Variants in MYH11 observed in about 807,000 individuals in gnomAD.
MYH11 encodes the protein myosin-11.
In MYH11, 80 loss-of-function variants were observed where a neutral mutation model predicts 246.6. That is an observed-to-expected ratio of 0.32 (90% confidence interval 0.27 to 0.39). The LOEUF (loss-of-function observed/expected upper bound fraction) is 0.39, where lower values mean the gene tolerates loss of function less well. MYH11 is among the 10% of genes least tolerant of loss of function. The pLI is 1.00. For synonymous variants in MYH11, 1,071 were observed against 1,015.5 expected (o/e 1.05, Z -1.04); for missense variants, 2,158 against 2,546.8 (o/e 0.85, Z 3.29).
At chr16:15,716,852 G>A (rs2040177351) in intron 38 of MYH11, among the ~76,000 whole-genome samples, 1 of 152,198 alleles carries the variant, frequency 6.6e-6, no homozygotes. Flanking sequence ...TATCCCTGCA[G>A]AGGCTGGGAA....
Position 15,726,053 on chromosome 16 carries a change from G to A in MYH11, c.3858+795C>T, listed in dbSNP as rs968210928. 6 of 208,150 alleles carry A rather than the reference G, an allele frequency of 2.9e-5. No individual in the cohort carries two copies. In the Admixed American group the frequency reaches 3.6e-4, roughly 12 times the overall value. 12.9% of individuals were successfully genotyped at this position (208,150 alleles called of 1,614,324 possible). On this transcript the variant is annotated intron_variant, in intron 28 of 40. Coordinates refer to ENST00000300036, the MANE Select transcript of MYH11 (RefSeq NM_002474.3). ...TTACCACAGGGCCTTTGCACACGCT[G>A]TTCCCTCTGCCTGGTAGACTTATCC...
rs564794568 is a variant in MYH11 at position 15,852,327 on chromosome 16, G to A, written c.-18+4614C>T. ...ATGTGACTGCAACAAGTTGCAATTT[G>A]CAATGCCTTTTTTTTTTTTTTTTTG... On this transcript the variant is annotated intron_variant, in intron 1 of 40. Coordinates refer to ENST00000300036, the MANE Select transcript of MYH11 (RefSeq NM_002474.3). Among the ~76,000 whole-genome samples, 280 of 134,988 alleles carry A rather than the reference G, an allele frequency of 2.1e-3. 3 individuals are homozygous for A. Among genetic ancestry groups the A allele is most frequent in the African/African-American group, 7.3e-3 (265 of 36,298 alleles). 88.6% of individuals were successfully genotyped at this position (134,988 alleles called of 152,430 possible). A position where few individuals can be genotyped will look rare whatever the true frequency, so the allele number is the denominator to read the frequency against.
chr16:15,718,602 TG>T, intron 36 of MYH11, 164 bp from the exon 37 acceptor site: 1 of 1,122,722 alleles, frequency 8.9e-7, no homozygotes, highest in Non-Finnish European at 1.2e-6. Flanking sequence ...AGCCAGGAAG[TG>T]GACAGCCGGG....
At chr16:15,788,077 CTTTTTT>C (rs1555569336) in intron 4 of MYH11, among the ~76,000 whole-genome samples, 1 of 55,376 alleles carries the variant, frequency 1.8e-5, no homozygotes, top group Non-Finnish European at 3.7e-5. Flanking sequence ...GAAGGTAGAT[CTTTTTT>C]TTTTTTTTTT....
In MYH11 at chr16:15,763,925, A is replaced by G. The variant is rs79343486; in HGVS notation, c.1034-34T>C. ...GGGAGAGAAGGGCAGAGCAGACACA[A>G]AGGTCAATGCCAAGGTACCCTGGAG... On this transcript the variant is annotated intron_variant, in intron 9 of 40. Coordinates refer to ENST00000300036, the MANE Select transcript of MYH11 (RefSeq NM_002474.3). 4,330 of 1,553,888 alleles carry G rather than the reference A, an allele frequency of 2.8e-3. 115 individuals are homozygous for G. In the African/African-American group the frequency reaches 0.053, roughly 19 times the overall value.
At chr16:15,820,044 CA>C (rs201477909) in intron 3 of MYH11, among the ~76,000 whole-genome samples, 230 of 151,574 alleles carry the variant, frequency 1.5e-3, no homozygotes, top group African/African-American at 5.4e-3. Flanking sequence ...TTGGAAAGGC[CA>C]AAAAAAAGAT....
At chr16:15,787,382 T>C (rs1305663012) in intron 4 of MYH11, among the ~76,000 whole-genome samples, 1 of 151,766 alleles carries the variant, frequency 6.6e-6, no homozygotes, top group Non-Finnish European at 1.5e-5. Flanking sequence ...CACTCCAGCC[T>C]GGGTGACAGA....
At chr16:15,829,832 G>A (rs914971941) in intron 2 of MYH11, among the ~76,000 whole-genome samples, 2 of 152,136 alleles carry the variant, frequency 1.3e-5, no homozygotes, top group Non-Finnish European at 2.9e-5. Context: ...AAGGAACACT[G>A]GCTTTCAGAC....
At chr16:15,774,831 C>T (rs908531232) in intron 8 of MYH11, among the ~76,000 whole-genome samples, 2 of 152,108 alleles carry the variant, frequency 1.3e-5, no homozygotes, top group Non-Finnish European at 2.9e-5. Flanking sequence ...TCAGGTAATC[C>T]GCCCGCCTCT....
chr16:15,721,416 A>G lies in MYH11; in HGVS notation c.4578+6T>C, dbSNP rs780638340. 6.2e-7 allele frequency: 1 copy of G among 1,614,020 alleles called. No individual in the cohort carries two copies. Among genetic ancestry groups the G allele is most frequent in the African/African-American group, 1.3e-5 (1 of 75,058 alleles). ...TGGACGAGAAAAACCACCCAGAGCCACTTACGTTCTTGCCCACGTCATCCT... is the reference window on the plus strand; with the variant it reads ...TGGACGAGAAAAACCACCCAGAGCCGCTTACGTTCTTGCCCACGTCATCCT... On this transcript the variant is annotated splice_donor_region_variant and intron_variant, in intron 32 of 40. Transcript: ENST00000300036.
chr16:15,763,885 A>C lies in MYH11; in HGVS notation c.1040T>G (p.Leu347Trp). 6.2e-7 allele frequency: 1 copy of C among 1,612,716 alleles called. No individual in the cohort carries two copies. The highest frequency in any genetic ancestry group is 8.5e-7 in the Non-Finnish European group (1 of 1,178,766). ...CTGCAGGACCGATGATACCACCTTC[A>C]ATATGGCTGAGGTGGGGAGAGAAGG... ...GFSEEEQLSILKVVSSVLQLG... is the reference protein window; with the variant it reads ...GFSEEEQLSIWKVVSSVLQLG... Residue 347 changes from leucine (L) to tryptophan (W), a missense_variant, in exon 10 of 41, where the codon TTG (leucine) becomes TGG (tryptophan). Transcript: ENST00000300036.
chr16:15,708,993 A>G, intron 40 of MYH11: 1 of 846,836 alleles, frequency 1.2e-6, no homozygotes, highest in Non-Finnish European at 1.9e-6. Flanking sequence ...CCCAGGCTGG[A>G]GTGCAGGGGT....
chr16:15,754,330 T>C (rs538034422), intron 14 of MYH11, among the ~76,000 whole-genome samples: 19 of 152,346 alleles, frequency 1.2e-4, no homozygotes, highest in African/African-American at 1.7e-4. Context: ...AAAGGACATA[T>C]AGGCTTTTTA....
chr16:15,808,633 A>G (rs2043067979), intron 3 of MYH11, among the ~76,000 whole-genome samples: 1 of 152,234 alleles, frequency 6.6e-6, no homozygotes, highest in Non-Finnish European at 1.5e-5. Flanking sequence ...ATAGGAGCTC[A>G]TGCCTGTAAT....
At position 15,703,807 on chromosome 16, in the gene MYH11, G is replaced by A. The variant is rs1596660436; in HGVS notation, c.*184C>T. On this transcript the variant is annotated 3_prime_UTR_variant, in exon 41 of 41. Transcript: ENST00000300036. ...TTTACTACGTTGCCCAGGCTGGAGG[G>A]TGGTGGTTTTTATATTCCTTGTGTG... The A allele has an allele frequency of 2.5e-6, 2 of 791,054 alleles. No individual in the cohort carries two copies. Among genetic ancestry groups the A allele is most frequent in the East Asian group, 2.6e-5 (1 of 38,132 alleles). 49.0% of individuals were successfully genotyped at this position (791,054 alleles called of 1,614,324 possible).
In MYH11 at chr16:15,737,598, C is replaced by T. The variant is rs763362977; in HGVS notation, c.3144G>A (p.Lys1048=). Residue 1048 remains lysine (K), a synonymous_variant, in exon 25 of 41, where the codon AAG becomes AAA. Transcript: ENST00000300036. ...ELEVRLKKEE[K]SRQELEKLKR... is the part of the protein sequence containing the mutation. ...TCAGCTTCTCCAGCTCCTGTCGGCT[C>T]TTCTCTTCCTTCTTTAGCCGCACTG... The T allele has an allele frequency of 6.8e-6, 11 of 1,613,160 alleles. No homozygotes were observed. The highest frequency in any genetic ancestry group is 9.3e-6 in the Non-Finnish European group (11 of 1,180,008).
At chr16:15,798,624 C>CAAAAAAAAAAAAAAAAAA in intron 4 of MYH11, 36 bp downstream of exon 4, 1 of 870,256 alleles carries the variant, frequency 1.1e-6, no homozygotes, top group South Asian at 2.2e-5. Flanking sequence ...AAAAAAAAAA[C>CAAAAAAAAAAAAAAAAAA]AAAAAAAAAA....
At chr16:15,799,409 G>A (rs2042829348) in intron 3 of MYH11, among the ~76,000 whole-genome samples, 1 of 152,146 alleles carries the variant, frequency 6.6e-6, no homozygotes, top group Admixed American at 6.5e-5. Flanking sequence ...CCCAGTTTCT[G>A]TCATTTACCT....
At chr16:15,730,093 C>G (rs947739392) in intron 27 of MYH11, among the ~76,000 whole-genome samples, 2 of 152,086 alleles carry the variant, frequency 1.3e-5, no homozygotes, top group Admixed American at 6.6e-5. Context: ...CTTCTGCCTG[C>G]TCTGGTCATG....
Sources: allele counts gnomAD v4.1 joint callset (sites outside exome capture counted in the v4.1 genomes callset), GRCh38; gene constraint gnomAD v4.1.1; transcripts MANE v1.5; gene names NCBI Gene and HGNC (gene_info 2026-07-23, HGNC 2026-07-21).